Variants in RARB observed in about 807,000 individuals in gnomAD.
The protein encoded by RARB is retinoic acid receptor beta, also known as HBV-activated protein.
RARB carries 17 observed loss-of-function variants against 51.9 expected under a neutral mutation model. The observed-to-expected ratio is 0.33, with a 90% CI of 0.22 to 0.49. RARB has a LOEUF of 0.49. Among genes scored for constraint, RARB ranks in the 20% least tolerant of loss-of-function variants. RARB has a pLI of 0.99. For synonymous variants in RARB, 215 were observed against 195.4 expected, an observed-to-expected ratio of 1.10 and a Z score of -0.84; for missense variants, 369 against 550.8, an observed-to-expected ratio of 0.67 and a Z score of 3.30.
intron 2 of RARB, among the ~76,000 whole-genome samples, chr3:24,908,251 TTTC>T (rs1164455614): frequency 1.3e-5 from 2 of 152,228 alleles, no homozygotes; most frequent in South Asian, 2.1e-4. Context: ...AGGCGTTCGC[TTTC>T]TTAAGTTTCT....
chr3:25,043,815 A>AG (rs142461368), intron 2 of RARB, among the ~76,000 whole-genome samples: 8,601 of 152,248 alleles, frequency 0.056, 319 homozygotes, highest in Non-Finnish European at 0.088. Flanking sequence ...CCATGGTAGG[A>AG]GGTTAGACAT....
intron 4 of RARB, among the ~76,000 whole-genome samples, chr3:25,157,378 G>A (rs62235861): frequency 0.15 from 21,758 of 143,378 alleles, 1,724 homozygotes; most frequent in African/African-American, 0.2. Context: ...GTGTGTGTGT[G>A]TGTATATATA....
chr3:25,452,009 A>G (rs149037743), intron 1 of RARB, among the ~76,000 whole-genome samples: 2,791 of 152,288 alleles, frequency 0.018, 29 homozygotes, highest in Non-Finnish European at 0.027. Context: ...GGACCTCAAT[A>G]TTGCAAAGCA....
At chr3:25,487,467 C>T (rs1407047983) in intron 2 of RARB, among the ~76,000 whole-genome samples, 10 of 91,828 alleles carry the variant, frequency 1.1e-4, no homozygotes, top group South Asian at 7.4e-4. Flanking sequence ...AATTTATGTC[C>T]GGCACTTTTT....
At chr3:25,260,191 T>C (rs918081568) in intron 5 of RARB, among the ~76,000 whole-genome samples, 5 of 152,164 alleles carry the variant, frequency 3.3e-5, no homozygotes, top group Admixed American at 6.6e-5. Flanking sequence ...GTTGTATTCC[T>C]TTAAGCCTGG....
At chr3:25,158,913 C>T (rs1307445025) in intron 4 of RARB, among the ~76,000 whole-genome samples, 2 of 151,946 alleles carry the variant, frequency 1.3e-5, no homozygotes, top group Non-Finnish European at 2.9e-5. Flanking sequence ...GAAGAGAGAG[C>T]CTGAAAAATT....
intron 4 of RARB, among the ~76,000 whole-genome samples, chr3:25,159,416 C>CCCT (rs891290965): frequency 3.3e-5 from 5 of 150,822 alleles, no homozygotes; most frequent in Admixed American, 6.6e-5. Context: ...TGATCCACCC[C>CCCT]CCCCGCTCCC....
chr3:24,904,939 A>G (rs560584292), intron 2 of RARB, among the ~76,000 whole-genome samples: 1 of 152,318 alleles, frequency 6.6e-6, no homozygotes, highest in East Asian at 1.9e-4. Context: ...GCGTGTTCTC[A>G]GTCGTTAAGT....
chr3:25,232,122 C>T (rs1702192683), intron 5 of RARB, among the ~76,000 whole-genome samples: 1 of 152,094 alleles, frequency 6.6e-6, no homozygotes, highest in South Asian at 2.1e-4. Context: ...TTTTACAAAA[C>T]AGCCTTTGCA....
At chr3:25,159,414 C>CCCT (rs1553638592) in intron 4 of RARB, among the ~76,000 whole-genome samples, 2 of 117,278 alleles carry the variant, frequency 1.7e-5, no homozygotes, top group African/African-American at 6.1e-5. Context: ...GATGATCCAC[C>CCCT]CCCCCCGCTC....
At chr3:25,217,170 A>T (rs1701852676) in intron 5 of RARB, among the ~76,000 whole-genome samples, 1 of 152,170 alleles carries the variant, frequency 6.6e-6, no homozygotes, top group Admixed American at 6.5e-5. Flanking sequence ...ATACAGAGAA[A>T]CTTCCTCTCA....
Position 25,377,428 on chromosome 3 carries a change from A to C in RARB, c.179-83765A>C, listed in dbSNP as rs145475913. Among the ~76,000 whole-genome samples, 173 of 152,346 alleles carry C rather than the reference A, an allele frequency of 1.1e-3. 1 individual carries two copies. The highest frequency in any genetic ancestry group is 3.9e-3 in the African/African-American group (162 of 41,590). On this transcript the variant is annotated intron_variant, in intron 5 of 11. Coordinates refer to the RARB transcript ENST00000383772. ...CCTAATGCAATGGCAGCATTCTTACATGCTGGGCATGGCACTGTGTAGGTC... is the reference window on the plus strand; with the variant it reads ...CCTAATGCAATGGCAGCATTCTTACCTGCTGGGCATGGCACTGTGTAGGTC...
intron 3 of RARB, among the ~76,000 whole-genome samples, chr3:25,529,895 A>G (rs1379924329): frequency 6.6e-6 from 1 of 152,176 alleles, no homozygotes; most frequent in Non-Finnish European, 1.5e-5. Context: ...AAGGTACTCA[A>G]AAAAGTGATT....
At chr3:24,866,161 TC>T (rs565291885) in intron 2 of RARB, among the ~76,000 whole-genome samples, 126 of 152,224 alleles carry the variant, frequency 8.3e-4, no homozygotes, top group African/African-American at 2.9e-3. Context: ...TCACACCTGA[TC>T]CTGCCAACCT....
At chr3:25,132,932 T>C (rs1192905512) in intron 4 of RARB, among the ~76,000 whole-genome samples, 2 of 101,622 alleles carry the variant, frequency 2.0e-5, no homozygotes, top group Non-Finnish European at 4.1e-5. Context: ...TTACTCCATA[T>C]TTAACTGATG....
chr3:25,471,595 C>T (rs370541676), intron 2 of RARB, among the ~76,000 whole-genome samples: 35 of 113,022 alleles, frequency 3.1e-4, no homozygotes, highest in Non-Finnish European at 6.7e-4. Context: ...CGCAACTCTG[C>T]GTGTTTTTTT....
At chr3:25,354,030 C>T (rs1705655702) in intron 5 of RARB, among the ~76,000 whole-genome samples, 1 of 108,288 alleles carries the variant, frequency 9.2e-6, no homozygotes, top group African/African-American at 3.8e-5. Flanking sequence ...TTCCTTTCCA[C>T]CCCAAACCCC....
At chr3:25,593,818 T>C (rs1701709340) in intron 6 of RARB, 111 bp downstream of exon 6, 2 of 1,053,100 alleles carry the variant, frequency 1.9e-6, no homozygotes, top group South Asian at 1.6e-5. Context: ...TGGGAAAACA[T>C]GTGAATAAAG....
In RARB at chr3:25,260,457, G is replaced by A. The variant is rs530894076; in HGVS notation, c.178+85882G>A. 2.0e-5 allele frequency among the ~76,000 whole-genome samples: 3 copies of A among 152,170 alleles called. No individual in the cohort carries two copies. The South Asian group carries it at 6.2e-4, about 32-fold the overall frequency. On this transcript the variant is annotated intron_variant, in intron 5 of 11. Coordinates refer to the RARB transcript ENST00000383772. ...TTCATACTCCTTATTAGTGAGAGAA[G>A]ACATTAACAAACCTCCAAAGGGCAG...
Sources: gnomAD v4.1 joint callset for allele counts (sites outside exome capture counted in the v4.1 genomes callset) on GRCh38, gnomAD v4.1.1 for gene constraint, MANE v1.5 for transcripts, NCBI Gene and HGNC (gene_info 2026-07-23, HGNC 2026-07-21) for gene names.